The following OTOGL variants were observed in gnomAD, a reference collection of about 807,000 sequenced individuals.
The protein encoded by OTOGL is otogelin like.
A neutral mutation model predicts 318.5 loss-of-function variants in OTOGL; 285 were observed. That is an observed-to-expected ratio of 0.89 (90% CI 0.81 to 0.99). OTOGL has a LOEUF of 0.99. Among genes scored for constraint, OTOGL ranks in the 50% least tolerant of loss-of-function variants. The pLI is 0.00. For synonymous variants in OTOGL, 987 were observed against 936.5 expected (o/e 1.05, Z -0.99); for missense variants, 2,899 against 2,845.6 (o/e 1.02, Z -0.43).
chr12:80,264,938 C>T, intron 19 of OTOGL, 63 bp from the exon 20 acceptor site: 1 of 1,498,754 alleles, frequency 6.7e-7, no homozygotes, highest in Admixed American at 1.7e-5. Flanking sequence ...ACGTGAAATG[C>T]TTGGATAATT....
rs1565861051 is a variant in OTOGL, at chr12:80,102,363, A to G, written c.-20+2758A>G. Among the ~76,000 whole-genome samples, 8 of 152,288 alleles carry G rather than the reference A, an allele frequency of 5.3e-5. No individual in the cohort carries two copies. The South Asian group carries it at 1.7e-3, about 32-fold the overall frequency. ...TAAATGTCCTTGTGGCTTTTCCCTCAATGGTAGACCTTTTCATGTGTTCCT... is the reference window on the plus strand; with the variant it reads ...TAAATGTCCTTGTGGCTTTTCCCTCGATGGTAGACCTTTTCATGTGTTCCT... On this transcript the variant is annotated intron_variant, in intron 1 of 58. Coordinates refer to ENST00000547103, the MANE Select transcript of OTOGL (RefSeq NM_001378609.3).
At chr12:80,128,388 C>T (rs530502154) in intron 1 of OTOGL, among the ~76,000 whole-genome samples, 62 of 152,274 alleles carry the variant, frequency 4.1e-4, no homozygotes, top group South Asian at 1.9e-3. Flanking sequence ...GCTGCCTGAT[C>T]GTTCCTCTGG....
chr12:80,238,822 GT>G, intron 9 of OTOGL, 28 bp from the exon 10 acceptor site: 6 of 1,480,516 alleles, frequency 4.1e-6, no homozygotes, highest in Non-Finnish European at 5.4e-6. Flanking sequence ...CTATTTGTGT[GT>G]GTGTGTGTGT....
intron 1 of OTOGL, among the ~76,000 whole-genome samples, chr12:80,192,979 A>C (rs74444321): frequency 1.4e-5 from 2 of 141,512 alleles, no homozygotes; most frequent in African/African-American, 2.5e-5. Context: ...GTATGGGCTC[A>C]TTGAAAATAC....
intron 22 of OTOGL, among the ~76,000 whole-genome samples, chr12:80,268,394 C>G (rs796329394): frequency 1.3e-5 from 2 of 152,238 alleles, no homozygotes; most frequent in African/African-American, 4.8e-5. Context: ...GCTAAGGAAC[C>G]TGATACTAAA....
At chr12:80,259,690 C>T (rs932832028) in intron 18 of OTOGL, among the ~76,000 whole-genome samples, 6 of 152,014 alleles carry the variant, frequency 3.9e-5, no homozygotes, top group African/African-American at 1.4e-4. Flanking sequence ...GCTTCATCTA[C>T]GTCCCTGCAA....
Position 80,254,661 on chromosome 12 carries a change from A to G in OTOGL, c.1441+91A>G, listed in dbSNP as rs941918604. ...ACTGATCTTTATGAAGACATCTCAT[A>G]TATACCAAGGGCTACAATAATCTGT... On this transcript the variant is annotated intron_variant, in intron 15 of 58. Coordinates refer to ENST00000547103, the MANE Select transcript of OTOGL (RefSeq NM_001378609.3). 4.0e-5 allele frequency: 41 copies of G among 1,032,782 alleles called. No individual in the cohort carries two copies. In the East Asian group the frequency reaches 6.5e-4, roughly 16 times the overall value. The allele number at this position is 1,032,782 out of a possible 1,614,324, so 64.0% of individuals were successfully genotyped here. A position where few individuals can be genotyped will look rare whatever the true frequency, so the allele number is the denominator to read the frequency against.
At chr12:80,318,850 A>G in intron 33 of OTOGL, 137 bp downstream of exon 33, 1 of 593,310 alleles carries the variant, frequency 1.7e-6, no homozygotes, top group Non-Finnish European at 2.5e-6. Context: ...ATAAAATATA[A>G]CATTGGCATA....
In OTOGL at chr12:80,356,955, A is replaced by T. The variant is rs1381530688; in HGVS notation, c.6019+41A>T. On this transcript the variant is annotated intron_variant, in intron 49 of 58. Coordinates refer to ENST00000547103, the MANE Select transcript of OTOGL (RefSeq NM_001378609.3). ...ATAATTTCTTGGAAGAAGAGAAAGG[A>T]TCTAGGAAAAAAATCTCTTATTTGA... is the stretch of plus-strand genomic sequence containing the variant. 3 of 1,284,536 alleles carry T rather than the reference A, an allele frequency of 2.3e-6. No homozygotes were observed. In the East Asian group the frequency reaches 8.2e-5, roughly 35 times the overall value. The allele number at this position is 1,284,536 out of a possible 1,614,324, so 79.6% of individuals were successfully genotyped here.
chr12:80,298,567 G>T lies in OTOGL; in HGVS notation c.3063+1606G>T, dbSNP rs374296576. 9.2e-5 allele frequency among the ~76,000 whole-genome samples: 14 copies of T among 152,292 alleles called. No individual in the cohort carries two copies. In the South Asian group the frequency reaches 2.9e-3, roughly 32 times the overall value. On this transcript the variant is annotated intron_variant, in intron 27 of 58. Coordinates refer to ENST00000547103, the MANE Select transcript of OTOGL (RefSeq NM_001378609.3). ...TCAGAAGACATGCTCTGGAGGAAAT[G>T]ATTTGCACTGAGTCTTAAAGGATGA...
At position 80,272,954 on chromosome 12, in the gene OTOGL, C is replaced by A. The variant is rs571927840; in HGVS notation, c.2681+1144C>A. 5.3e-4 allele frequency among the ~76,000 whole-genome samples: 81 copies of A among 152,108 alleles called. 1 individual carries two copies. The highest frequency in any genetic ancestry group is 8.7e-4 in the Non-Finnish European group (59 of 67,962). The stretch of plus-strand genomic sequence containing the variant: ...AGAAGGGAAATAGAATAATTAAAAC[C>A]CACAACATTGCTTGATTTATTTGAT... On this transcript the variant is annotated intron_variant, in intron 24 of 58. Transcript: ENST00000547103.
chr12:80,100,133 A>G (rs955540910), intron 1 of OTOGL, among the ~76,000 whole-genome samples: 1 of 152,210 alleles, frequency 6.6e-6, no homozygotes, highest in Non-Finnish European at 1.5e-5. Context: ...CAGGTTTTAT[A>G]GGTTGAAACC....
rs576238736 is a variant in OTOGL at position 80,346,980 on chromosome 12, T to G, written c.5265+4818T>G. ...CAAGCTATCACTAAGTCATGTTGAT[T>G]CCACTTCCAAAATATATTCAATATC... On this transcript the variant is annotated intron_variant, in intron 44 of 58. Transcript: ENST00000547103. 8.5e-5 allele frequency among the ~76,000 whole-genome samples: 13 copies of G among 152,312 alleles called. No individual in the cohort carries two copies. In the South Asian group the frequency reaches 2.7e-3, roughly 32 times the overall value.
intron 18 of OTOGL, among the ~76,000 whole-genome samples, chr12:80,261,428 A>G (rs975016004): frequency 6.6e-6 from 1 of 152,162 alleles, no homozygotes; most frequent in African/African-American, 2.4e-5. Flanking sequence ...CCACTTCATA[A>G]TGGAATCTTG....
At position 80,279,046 on chromosome 12, in the gene OTOGL, G is replaced by C; in HGVS notation, c.2808G>C (p.Met936Ile). The stretch of plus-strand genomic sequence containing the variant: ...TTAATAGCGTTTGTCGACGAGGAAT[G>C]TTCAATTGCACATATTATCCATGCC... Reference protein sequence around the residue: ...PCYTCVCRRGMFNCTYYPCPA... With the variant: ...PCYTCVCRRGIFNCTYYPCPA... Residue 936 changes from methionine (M) to isoleucine (I), a missense_variant, in exon 26 of 59, where the codon ATG (methionine) becomes ATC (isoleucine). By Grantham distance (10) the Met-to-Ile change is conservative. Coordinates refer to ENST00000547103, the MANE Select transcript of OTOGL (RefSeq NM_001378609.3). 1 of 1,536,888 alleles carries C rather than the reference G, an allele frequency of 6.5e-7. No homozygotes were observed. The highest frequency in any genetic ancestry group is 8.8e-7 in the Non-Finnish European group (1 of 1,138,402).
chr12:80,106,708 T>A (rs2137071976), intron 1 of OTOGL, among the ~76,000 whole-genome samples: 1 of 152,290 alleles, frequency 6.6e-6, no homozygotes, highest in East Asian at 1.9e-4. Context: ...CATTCTTCCA[T>A]CTTTTATAAC....
Position 80,308,953 on chromosome 12 carries a change from C to G in OTOGL, c.3334-1658C>G, listed in dbSNP as rs530394348. Among the ~76,000 whole-genome samples the G allele has an allele frequency of 3.9e-4, 58 of 150,016 alleles. 1 individual carries two copies. Among genetic ancestry groups the G allele is most frequent in the African/African-American group, 1.4e-3 (57 of 40,774 alleles). ...CTTCGGCTCGGCATCAGAGGGAGAC[C>G]GTGGAAAGAGAGGGAGAGGGAGACC... On this transcript the variant is annotated intron_variant, in intron 29 of 58. Coordinates refer to ENST00000547103, the MANE Select transcript of OTOGL (RefSeq NM_001378609.3).
In OTOGL at chr12:80,367,591, T is replaced by C. The variant is rs1217192719; in HGVS notation, c.6362T>C (p.Val2121Ala). Residue 2121 changes from valine to alanine, a missense_variant, in exon 54 of 59, where the codon GTA becomes GCA. Physicochemically the swap from Val to Ala is moderately conservative, Grantham distance 64 (BLOSUM62 0). Around this residue, in one of 3 missense-constraint regions of OTOGL, gnomAD observed 289 missense variants for 304.6 expected, o/e 0.95. Coordinates refer to ENST00000547103, the MANE Select transcript of OTOGL (RefSeq NM_001378609.3). ...EKDDVCVFQEVSVLNPGQSMI... is the reference protein window; with the variant it reads ...EKDDVCVFQEASVLNPGQSMI... ...GATGATGTGTGTGTATTTCAAGAAG[T>C]ATCAGTATTGAATCCTGGACAATCC... The C allele has an allele frequency of 1.9e-6, 3 of 1,543,008 alleles. No individual in the cohort carries two copies. In the East Asian group the frequency reaches 7.0e-5, roughly 36 times the overall value.
chr12:80,185,784 T>C (rs1875247473), intron 1 of OTOGL, among the ~76,000 whole-genome samples: 1 of 152,232 alleles, frequency 6.6e-6, no homozygotes, highest in Admixed American at 6.5e-5. Flanking sequence ...TCCTATGTGC[T>C]TACTGAAGAT....
Sources: gnomAD v4.1 joint callset for allele counts (sites outside exome capture counted in the v4.1 genomes callset) on GRCh38, gnomAD v4.1.1 for gene constraint, gnomAD v4.1.1 regional missense constraint, MANE v1.5 for transcripts, NCBI Gene and HGNC (gene_info 2026-07-23, HGNC 2026-07-21) for gene names.